The following MKRN1 variants were observed in gnomAD, a reference collection of about 807,000 sequenced individuals.
MKRN1 encodes E3 ubiquitin-protein ligase makorin-1.
A neutral mutation model predicts 55.5 loss-of-function variants in MKRN1; 9 were observed. The ratio of observed to expected loss-of-function variants is 0.16; its 90% CI spans 0.10 to 0.28. The LOEUF (loss-of-function observed/expected upper bound fraction) is 0.28, where lower values mean the gene tolerates loss of function less well. MKRN1 is among the 10% of genes least tolerant of loss of function. MKRN1 has a pLI of 1.00. For missense variants in MKRN1, 488 were observed against 626.7 expected, an observed-to-expected ratio of 0.78 and a Z score of 2.36; for synonymous variants, 253 against 235.9, an observed-to-expected ratio of 1.07 and a Z score of -0.66.
In MKRN1 at chr7:140,454,224, A is replaced by G. The variant is rs774609263; in HGVS notation, c.*293T>C. 5.0e-5 allele frequency: 20 copies of G among 396,544 alleles called. No homozygotes were observed. The highest frequency in any genetic ancestry group is 9.0e-5 in the Non-Finnish European group (19 of 210,122). The allele number at this position is 396,544 out of a possible 1,614,324, so 24.6% of individuals were successfully genotyped here. On this transcript the variant is annotated 3_prime_UTR_variant, in exon 8 of 8. Transcript: ENST00000255977. ...AGTGTGTGAAAAGTCCATAAATGCA[A>G]TCTGGTTGAAAACAGATGACGCAAC...
chr7:140,462,195 C>T (rs1794640508), intron 2 of MKRN1, among the ~76,000 whole-genome samples: 1 of 151,886 alleles, frequency 6.6e-6, no homozygotes, highest in African/African-American at 2.4e-5. Context: ...GCTGGTCTAA[C>T]TTTTTTTATT....
intron 6 of MKRN1, chr7:140,455,483 G>C (rs1794441438): frequency 5.3e-6 from 3 of 569,954 alleles, no homozygotes; most frequent in Middle Eastern, 4.0e-4. Context: ...AAATCTTCTA[G>C]AAAGCCAACA....
chr7:140,468,015 A>ATAAAT (rs1794821407), intron 2 of MKRN1, among the ~76,000 whole-genome samples: 1 of 151,856 alleles, frequency 6.6e-6, no homozygotes, highest in African/African-American at 2.4e-5. Flanking sequence ...AAAAAAAAAA[A>ATAAAT]AAAAAATGCA....
rs1794397950 is a variant in MKRN1 at position 140,453,922 on chromosome 7, C to T, written c.*595G>A. 6.4e-6 allele frequency: 1 copy of T among 157,046 alleles called. No homozygotes were observed. The allele number at this position is 157,046 out of a possible 1,614,324, so 9.7% of individuals were successfully genotyped here. A position where few individuals can be genotyped will look rare whatever the true frequency, so the allele number is the denominator to read the frequency against. Reference sequence around the variant, plus strand: ...TGCAAAACAGTAAAAAATCTCAACACATTCACACCTGATTCTGGTTACCCA... The same window carrying T: ...TGCAAAACAGTAAAAAATCTCAACATATTCACACCTGATTCTGGTTACCCA... On this transcript the variant is annotated 3_prime_UTR_variant, in exon 8 of 8. Coordinates refer to ENST00000255977, the MANE Select transcript of MKRN1 (RefSeq NM_013446.4).
intron 2 of MKRN1, among the ~76,000 whole-genome samples, chr7:140,466,810 C>CAA (rs563645827): frequency 0.039 from 3,386 of 85,972 alleles, 316 homozygotes; most frequent in African/African-American, 0.15. Context: ...GACTCCGTCT[C>CAA]AAAAAAAAAA....
At chr7:140,456,451 T>C in intron 5 of MKRN1, 1 of 1,409,132 alleles carries the variant, frequency 7.1e-7, no homozygotes, top group Non-Finnish European at 9.2e-7. Flanking sequence ...TACACAGGGT[T>C]TCCTCATTCA....
In MKRN1 at chr7:140,453,111, C is replaced by CAG. The variant is rs1236495619; in HGVS notation, c.*1404_*1405dup. On this transcript the variant is annotated 3_prime_UTR_variant, in exon 8 of 8. Transcript: ENST00000255977. ...CTTACAAAAGGGCAGCTGCAAAATA[C>CAG]AGAGACCTCTGCAACAATTATTTGT... 2 of 152,486 alleles carry CAG rather than the reference C, an allele frequency of 1.3e-5. No individual in the cohort carries two copies. Among genetic ancestry groups the CAG allele is most frequent in the African/African-American group, 4.8e-5 (2 of 41,372 alleles). 9.4% of individuals were successfully genotyped at this position (152,486 alleles called of 1,614,324 possible).
At position 140,479,310 on chromosome 7, in the gene MKRN1, G is replaced by A; in HGVS notation, c.35C>T (p.Thr12Ile). Residue 12 changes from threonine to isoleucine, a missense_variant, in exon 1 of 8, where the codon ACA becomes ATA. Around this residue, in one of 2 missense-constraint regions of MKRN1, gnomAD observed 210 missense variants for 220.0 expected, o/e 0.95. Transcript: ENST00000255977. ...CGCTGCCGCTCCTGCTCCTGATGTT[G>A]TGGCTGTTGTTCCGGGAGTTGCAGC... ...AEAATPGTTA[T>I]TSGAGAAAAT... is the part of the protein sequence containing the mutation. 1 of 1,336,974 alleles carries A rather than the reference G, an allele frequency of 7.5e-7. No homozygotes were observed. The highest frequency in any genetic ancestry group is 9.6e-7 in the Non-Finnish European group (1 of 1,040,030). 82.8% of individuals were successfully genotyped at this position (1,336,974 alleles called of 1,614,324 possible).
At chr7:140,468,364 G>A (rs1011629696) in intron 2 of MKRN1, among the ~76,000 whole-genome samples, 2 of 152,090 alleles carry the variant, frequency 1.3e-5, no homozygotes, top group African/African-American at 2.4e-5. Context: ...GCAGTGTGAA[G>A]TTCTCATGAC....
chr7:140,460,696 A>T (rs1045279327), intron 2 of MKRN1, among the ~76,000 whole-genome samples: 1 of 152,158 alleles, frequency 6.6e-6, no homozygotes, highest in Non-Finnish European at 1.5e-5. Context: ...ATATTTAGTT[A>T]TACCATGTGT....
Position 140,471,888 on chromosome 7 carries a change from G to T in MKRN1, c.309C>A (p.Arg103=). The change falls in exon 2 of 8, where the codon CGC becomes CGA. Residue 103 remains arginine, a synonymous_variant. Transcript: ENST00000255977. ...FQRGYCIYGD[R]CRYEHSKPLK... is the part of the protein sequence containing the mutation. ...ATTTATAAACAAATTCTTACCTGCA[G>T]CGGTCTCCATAAATACAGTACCCTC... The T allele has an allele frequency of 1.2e-6, 2 of 1,612,938 alleles. No individual in the cohort carries two copies. Among genetic ancestry groups the T allele is most frequent in the Non-Finnish European group, 1.7e-6 (2 of 1,179,706 alleles).
rs1062782 is a variant in MKRN1, at chr7:140,454,722, C to T, written c.1244G>A (p.Arg415Gln). ...AATGAGTTCCCAGAAGTGGTTCCTT[C>T]GTTGGGCCTGTAAAAAACAAGGCCA... ...VGTSSRYRAQ[R>Q]RNHFWELIEE... Residue 415 changes from arginine (R) to glutamine (Q), a missense_variant, in exon 8 of 8, where the codon CGA becomes CAA. Transcript: ENST00000255977. The T allele has an allele frequency of 5.6e-6, 9 of 1,613,910 alleles. No homozygotes were observed. Among genetic ancestry groups the T allele is most frequent in the South Asian group, 3.3e-5 (3 of 91,064 alleles).
Position 140,455,805 on chromosome 7 carries a change from T to C in MKRN1, c.1082A>G (p.Tyr361Cys). ...KEEKQKLILK[Y>C]KEAMSNKACR... Reference sequence around the variant, plus strand: ...GTGCTCATACCTCATTGCCTCCTTGTATTTCAGAATGAGTTTCTGCTTCTC... The same window carrying C: ...GTGCTCATACCTCATTGCCTCCTTGCATTTCAGAATGAGTTTCTGCTTCTC... Residue 361 changes from tyrosine to cysteine, a missense_variant, in exon 6 of 8, where the codon TAC becomes TGC. Transcript: ENST00000255977. 1 of 1,612,880 alleles carries C rather than the reference T, an allele frequency of 6.2e-7. No individual in the cohort carries two copies. The highest frequency in any genetic ancestry group is 8.5e-7 in the Non-Finnish European group (1 of 1,179,114).
chr7:140,463,106 A>C (rs1291877223), intron 2 of MKRN1, among the ~76,000 whole-genome samples: 1 of 152,224 alleles, frequency 6.6e-6, no homozygotes, highest in Non-Finnish European at 1.5e-5. Flanking sequence ...AAAGACATTC[A>C]TATTCCTCCT....
At chr7:140,464,933 G>A (rs2130298459) in intron 2 of MKRN1, among the ~76,000 whole-genome samples, 1 of 152,222 alleles carries the variant, frequency 6.6e-6, no homozygotes, top group South Asian at 2.1e-4. Flanking sequence ...TGGGACTACA[G>A]GTACACACCA....
chr7:140,466,339 T>A (rs1794764445), intron 2 of MKRN1, among the ~76,000 whole-genome samples: 1 of 152,146 alleles, frequency 6.6e-6, no homozygotes, highest in Non-Finnish European at 1.5e-5. Context: ...TAAAGAGTTC[T>A]AGAAAAGAGG....
chr7:140,456,999 A>G, intron 4 of MKRN1, 133 bp from the exon 5 acceptor site: 6 of 929,992 alleles, frequency 6.5e-6, no homozygotes, highest in Non-Finnish European at 9.5e-6. Flanking sequence ...TGACACGAAA[A>G]TTAGCTTTGC....
In MKRN1 at chr7:140,454,435, A is replaced by C. The variant is rs1794409356; in HGVS notation, c.*82T>G. 11 of 1,357,638 alleles carry C rather than the reference A, an allele frequency of 8.1e-6. No individual in the cohort carries two copies. Among genetic ancestry groups the C allele is most frequent in the Non-Finnish European group, 1.1e-5 (11 of 969,078 alleles). The allele number at this position is 1,357,638 out of a possible 1,614,324, so 84.1% of individuals were successfully genotyped here. ...TGGAGTTGAGAGGCCTGCCTAGGAG[A>C]GAACACAGGCACTGCCACACCACCA... On this transcript the variant is annotated 3_prime_UTR_variant, in exon 8 of 8. Transcript: ENST00000255977.
At chr7:140,469,269 T>G (rs901312310) in intron 2 of MKRN1, among the ~76,000 whole-genome samples, 3 of 150,242 alleles carry the variant, frequency 2.0e-5, no homozygotes, top group Non-Finnish European at 3.0e-5. Context: ...GAGCTTGCAG[T>G]GAGCTGAGAT....
Sources: gnomAD v4.1 joint callset for allele counts (sites outside exome capture counted in the v4.1 genomes callset) on GRCh38, gnomAD v4.1.1 for gene constraint, gnomAD v4.1.1 regional missense constraint, MANE v1.5 for transcripts, NCBI Gene and HGNC (gene_info 2026-07-23, HGNC 2026-07-21) for gene names.